The following MC2R variants were observed in gnomAD, a reference collection of about 807,000 sequenced individuals.
MC2R encodes melanocortin 2 receptor.
In MC2R, 9 loss-of-function variants were observed where a neutral mutation model predicts 9.8. The observed-to-expected ratio is 0.92, with a 90% confidence interval of 0.55 to 1.60. MC2R has a LOEUF of 1.60. Among genes scored for constraint, MC2R ranks in the 40% most tolerant of loss-of-function variants. MC2R has a pLI of 0.00. For synonymous variants in MC2R, 185 were observed against 154.7 expected (o/e 1.20, Z -1.45); for missense variants, 370 against 389.0 (o/e 0.95, Z 0.41).
chr18:13,910,659 C>T (rs2149144044), intron 1 of MC2R, among the ~76,000 whole-genome samples: 1 of 152,256 alleles, frequency 6.6e-6, no homozygotes, highest in East Asian at 1.9e-4. Context: ...ACAGCTGCTG[C>T]CAGAAGGTTC....
intron 1 of MC2R, among the ~76,000 whole-genome samples, chr18:13,911,217 C>T (rs1020958483): frequency 6.6e-6 from 1 of 152,138 alleles, no homozygotes; most frequent in South Asian, 2.1e-4. Context: ...CAGCCGAGAG[C>T]AGGGGCCGGA....
At chr18:13,894,790 T>C (rs2045336872) in intron 1 of MC2R, among the ~76,000 whole-genome samples, 1 of 152,228 alleles carries the variant, frequency 6.6e-6, no homozygotes, top group Admixed American at 6.5e-5. Context: ...TTTTTAGTAC[T>C]GCTCTCCCTC....
chr18:13,886,172 G>A (rs895918137), intron 1 of MC2R, among the ~76,000 whole-genome samples: 9 of 151,982 alleles, frequency 5.9e-5, no homozygotes, highest in African/African-American at 2.2e-4. Context: ...ACCACTACAC[G>A]GTATATCCAT....
At chr18:13,907,890 T>C (rs971364102) in intron 1 of MC2R, among the ~76,000 whole-genome samples, 5 of 151,884 alleles carry the variant, frequency 3.3e-5, no homozygotes, top group African/African-American at 1.2e-4. Context: ...CGGATGCTGG[T>C]GAGGATGTGG....
rs147064995 is a variant in MC2R at position 13,882,770 on chromosome 18, A to G, written c.*1855T>C. ...AAATATGTTATACATTACTTTTTCA[A>G]TGGTAGAAATAACACTTTTAAAAAT... On this transcript the variant is annotated 3_prime_UTR_variant, in exon 2 of 2. Coordinates refer to ENST00000327606, the MANE Select transcript of MC2R (RefSeq NM_000529.2). 2 of 152,354 alleles carry G rather than the reference A, an allele frequency of 1.3e-5. No individual in the cohort carries two copies. Among genetic ancestry groups the G allele is most frequent in the East Asian group, 1.9e-4 (1 of 5,188 alleles). 9.4% of individuals were successfully genotyped at this position (152,354 alleles called of 1,614,324 possible). A position where few individuals can be genotyped will look rare whatever the true frequency, so the allele number is the denominator to read the frequency against.
intron 1 of MC2R, among the ~76,000 whole-genome samples, chr18:13,886,967 G>A (rs2045280207): frequency 6.6e-6 from 1 of 152,232 alleles, no homozygotes; most frequent in Non-Finnish European, 1.5e-5. Context: ...GGGGTTGACA[G>A]GGCGTAGCTG....
Position 13,885,362 on chromosome 18 carries a change from T to A in MC2R, c.157A>T (p.Lys53Ter). Reference sequence around the variant, plus strand: ...AAGTACATGGGTGCCTGGAGATTCTTATTCTTGAACACAGCCAGCAGGACG... The same window carrying A: ...AAGTACATGGGTGCCTGGAGATTCTAATTCTTGAACACAGCCAGCAGGACG... ...LIVLLAVFKN[K>*]NLQAPMYFFI... The change falls in exon 2 of 2, where the codon AAG (lysine) becomes TAG (stop). Residue 53 changes from lysine to a stop codon, truncating the protein, a stop_gained. Transcript: ENST00000327606. LOFTEE classifies it high-confidence loss of function. 2 of 1,614,222 alleles carry A rather than the reference T, an allele frequency of 1.2e-6. No homozygotes were observed. The highest frequency in any genetic ancestry group is 1.7e-6 in the Non-Finnish European group (2 of 1,180,050).
intron 1 of MC2R, among the ~76,000 whole-genome samples, chr18:13,888,533 C>T (rs1216689718): frequency 6.6e-6 from 1 of 152,258 alleles, no homozygotes; most frequent in Non-Finnish European, 1.5e-5. Flanking sequence ...GAGGATACAG[C>T]AGAGCCCGCC....
intron 1 of MC2R, among the ~76,000 whole-genome samples, chr18:13,908,699 G>A (rs2045427489): frequency 1.7e-5 from 1 of 59,730 alleles, no homozygotes; most frequent in Admixed American, 1.8e-4. Flanking sequence ...AACGGTGCAG[G>A]AGCTTCTTGT....
At chr18:13,905,127 C>T (rs1406121351) in intron 1 of MC2R, among the ~76,000 whole-genome samples, 1 of 151,770 alleles carries the variant, frequency 6.6e-6, no homozygotes, top group East Asian at 1.9e-4. Context: ...AAATTTTTTG[C>T]AATCTATCTA....
intron 1 of MC2R, among the ~76,000 whole-genome samples, chr18:13,915,001 G>A (rs182949353): frequency 6.6e-6 from 1 of 152,346 alleles, no homozygotes; most frequent in African/African-American, 2.4e-5. Context: ...GAACTGTAAC[G>A]TCACACGTGT....
At chr18:13,902,554 T>G (rs557335162) in intron 1 of MC2R, among the ~76,000 whole-genome samples, 1 of 152,260 alleles carries the variant, frequency 6.6e-6, no homozygotes, top group South Asian at 2.1e-4. Context: ...TATGGTGAAC[T>G]CATTTTTGAC....
intron 1 of MC2R, among the ~76,000 whole-genome samples, chr18:13,897,771 G>A (rs2045355105): frequency 1.3e-5 from 2 of 152,152 alleles, no homozygotes; most frequent in South Asian, 4.2e-4. Flanking sequence ...CACACCCTGG[G>A]CCAGAAGGGA....
intron 1 of MC2R, among the ~76,000 whole-genome samples, chr18:13,898,029 G>T (rs1437203567): frequency 2.0e-5 from 3 of 151,944 alleles, no homozygotes; most frequent in African/African-American, 7.3e-5. Flanking sequence ...TGCACCTTAG[G>T]TACCAGCATA....
At chr18:13,905,734 T>C (rs1228822892) in intron 1 of MC2R, among the ~76,000 whole-genome samples, 2 of 152,118 alleles carry the variant, frequency 1.3e-5, no homozygotes, top group African/African-American at 2.4e-5. Flanking sequence ...GACCCAGCAA[T>C]CCCATTACTG....
At chr18:13,892,134 G>T (rs548678523) in intron 1 of MC2R, among the ~76,000 whole-genome samples, 6 of 152,158 alleles carry the variant, frequency 3.9e-5, no homozygotes, top group African/African-American at 7.2e-5. Context: ...ATGCAGGGTC[G>T]TGCTGGGGGC....
At chr18:13,886,720 G>A (rs28926173) in intron 1 of MC2R, among the ~76,000 whole-genome samples, 4,736 of 152,272 alleles carry the variant, frequency 0.031, 115 homozygotes, top group Non-Finnish European at 0.048. Context: ...GTGTCTCTGG[G>A]GTGAAGGCGG....
chr18:13,884,228 T>G lies in MC2R; in HGVS notation c.*397A>C. 3.3e-6 allele frequency: 1 copy of G among 299,628 alleles called. No individual in the cohort carries two copies. The highest frequency in any genetic ancestry group is 6.5e-6 in the Non-Finnish European group (1 of 154,680). The allele number at this position is 299,628 out of a possible 1,614,324, so 18.6% of individuals were successfully genotyped here. On this transcript the variant is annotated 3_prime_UTR_variant, in exon 2 of 2. Coordinates refer to ENST00000327606, the MANE Select transcript of MC2R (RefSeq NM_000529.2). ...TGGAAAGGCCACCTCAGAACTGGCT[T>G]GTTAGATGTCCACAGGAAAGCAAGT...
chr18:13,904,363 A>G (rs948684797), intron 1 of MC2R, among the ~76,000 whole-genome samples: 31 of 146,012 alleles, frequency 2.1e-4, no homozygotes, highest in African/African-American at 7.6e-4. Flanking sequence ...CCTGGGTGAC[A>G]GAGCAAGACC....
Sources: gnomAD v4.1 joint callset for allele counts (sites outside exome capture counted in the v4.1 genomes callset) on GRCh38, gnomAD v4.1.1 for gene constraint, MANE v1.5 for transcripts, NCBI Gene and HGNC (gene_info 2026-07-23, HGNC 2026-07-21) for gene names.